The following KLRG1 variants were observed in gnomAD, a reference collection of about 807,000 sequenced individuals.
The protein encoded by KLRG1 is killer cell lectin like receptor G1.
In KLRG1, 16 loss-of-function variants were observed where a neutral mutation model predicts 21.8. The ratio of observed to expected loss-of-function variants is 0.73; its 90% confidence interval spans 0.50 to 1.11. The LOEUF (loss-of-function observed/expected upper bound fraction) is 1.11. Ranked by LOEUF, KLRG1 falls within the 50% of genes most tolerant of loss-of-function variation. The pLI, the probability that KLRG1 is intolerant of heterozygous loss-of-function variation, is 0.00. For synonymous variants in KLRG1, 69 were observed against 75.9 expected (o/e 0.91, Z 0.47); for missense variants, 173 against 218.3 (o/e 0.79, Z 1.31).
the KLRG1 span, among the ~76,000 whole-genome samples, chr12:9,060,566 G>A: frequency 6.6e-6 from 1 of 152,144 alleles, no homozygotes; most frequent in East Asian, 1.9e-4. Flanking sequence ...TGGGAGCAGA[G>A]GTTGCAGTGA....
At chr12:8,992,913 G>C (rs1947016388) in intron 2 of KLRG1, among the ~76,000 whole-genome samples, 2 of 151,910 alleles carry the variant, frequency 1.3e-5, no homozygotes, top group South Asian at 4.2e-4. Flanking sequence ...GCAAGGCTGA[G>C]AATAGTTCTT....
chr12:9,061,905 C>T, the KLRG1 span, among the ~76,000 whole-genome samples: 354 of 152,068 alleles, frequency 2.3e-3, 3 homozygotes, highest in African/African-American at 7.9e-3. Context: ...TGTTGGGACA[C>T]GGAAACCAAC....
chr12:9,200,436 A>C, the KLRG1 span: 1 of 1,608,612 alleles, frequency 6.2e-7, no homozygotes. Flanking sequence ...TTTGACCTCA[A>C]ACTTGGGAAG....
chr12:9,186,557 A>G, the KLRG1 span, among the ~76,000 whole-genome samples: 2 of 152,176 alleles, frequency 1.3e-5, no homozygotes, highest in African/African-American at 4.8e-5. Flanking sequence ...GGAAAGGAGA[A>G]AAATCTGTCA....
the KLRG1 span, among the ~76,000 whole-genome samples, chr12:9,049,497 A>C: frequency 1.3e-5 from 2 of 152,184 alleles, no homozygotes; most frequent in Non-Finnish European, 2.9e-5. Context: ...TTTCTAAGAA[A>C]ATAAAACTTA....
chr12:8,954,035 G>C (rs1346192006), intron 1 of KLRG1, among the ~76,000 whole-genome samples: 1 of 152,154 alleles, frequency 6.6e-6, no homozygotes, highest in Non-Finnish European at 1.5e-5. Context: ...GAGCCTTTTA[G>C]TGGTGCCTCC....
chr12:9,014,063 A>T (rs1947667146), downstream of KLRG1, among the ~76,000 whole-genome samples: 1 of 152,188 alleles, frequency 6.6e-6, no homozygotes, highest in Non-Finnish European at 1.5e-5. Flanking sequence ...ATACAGGCAG[A>T]GGAGACAACA....
At chr12:9,140,054 G>T in the KLRG1 span, among the ~76,000 whole-genome samples, 1 of 152,194 alleles carries the variant, frequency 6.6e-6, no homozygotes, top group Non-Finnish European at 1.5e-5. Context: ...CATGTCTCTG[G>T]CTGGGGAGGG....
the KLRG1 span, among the ~76,000 whole-genome samples, chr12:9,104,714 G>A: frequency 6.6e-6 from 1 of 152,156 alleles, no homozygotes; most frequent in African/African-American, 2.4e-5. Context: ...ATGTCTTCTA[G>A]ATATTTTGGA....
the KLRG1 span, among the ~76,000 whole-genome samples, chr12:9,117,894 T>C: frequency 6.6e-6 from 1 of 152,226 alleles, no homozygotes; most frequent in Admixed American, 6.5e-5. Context: ...AAAGACTTTT[T>C]TTTCATAATT....
intron 3 of KLRG1, among the ~76,000 whole-genome samples, chr12:9,003,772 A>G (rs1947376921): frequency 1.3e-5 from 2 of 151,580 alleles, no homozygotes; most frequent in Admixed American, 1.3e-4. Context: ...TTACATATGT[A>G]TACATGTGCC....
chr12:8,998,675 C>T (rs554633906), intron 3 of KLRG1, among the ~76,000 whole-genome samples: 42 of 134,292 alleles, frequency 3.1e-4, no homozygotes, highest in African/African-American at 9.8e-4. Flanking sequence ...GGCAACAGAG[C>T]GAGACTCTGT....
the KLRG1 span, chr12:9,169,609 T>C: frequency 1.7e-4 from 272 of 1,574,980 alleles, 1 homozygote; most frequent in African/African-American, 3.4e-3. Flanking sequence ...AGTGGGGGGA[T>C]CAAAGGCAGA....
the KLRG1 span, among the ~76,000 whole-genome samples, chr12:9,048,210 A>G: frequency 6.6e-6 from 1 of 152,248 alleles, no homozygotes; most frequent in Non-Finnish European, 1.5e-5. Flanking sequence ...AGTCAATAAC[A>G]GAAAGATAGC....
the KLRG1 span, among the ~76,000 whole-genome samples, chr12:9,060,182 T>TTTGA: frequency 6.9e-6 from 1 of 144,348 alleles, no homozygotes; most frequent in Non-Finnish European, 1.5e-5. Context: ...TTTTTTGTAT[T>TTTGA]TTGTTTGTTT....
At chr12:9,159,669 T>C in the KLRG1 span, among the ~76,000 whole-genome samples, 1 of 151,796 alleles carries the variant, frequency 6.6e-6, no homozygotes, top group Non-Finnish European at 1.5e-5. Flanking sequence ...GAGACCCAAG[T>C]GAGCCCATTC....
the KLRG1 span, among the ~76,000 whole-genome samples, chr12:9,177,128 A>G: frequency 6.6e-6 from 1 of 152,222 alleles, no homozygotes; most frequent in African/African-American, 2.4e-5. Flanking sequence ...CGCACAATGA[A>G]TAGGGTTGAC....
the KLRG1 span, among the ~76,000 whole-genome samples, chr12:9,147,032 CA>C: frequency 6.6e-6 from 1 of 152,198 alleles, no homozygotes; most frequent in South Asian, 2.1e-4. Context: ...TCCTTTCTTC[CA>C]AGGTGGGGCT....
the KLRG1 span, chr12:9,074,526 A>T: frequency 6.5e-7 from 1 of 1,548,690 alleles, no homozygotes; most frequent in Non-Finnish European, 8.8e-7. Flanking sequence ...TTGCTACCTG[A>T]AGGTGAAATA....
Sources: allele counts gnomAD v4.1 joint callset (sites outside exome capture counted in the v4.1 genomes callset), GRCh38; gene constraint gnomAD v4.1.1; transcripts MANE v1.5; gene names NCBI Gene and HGNC (gene_info 2026-07-23, HGNC 2026-07-21).